UBE2N: variants seen among roughly 807,000 people sequenced by gnomAD.
UBE2N encodes the protein ubiquitin conjugating enzyme E2 N, also known as ubiquitin-conjugating enzyme E2 N.
For synonymous variants in UBE2N, 70 were observed against 69.2 expected (o/e 1.01, Z -0.06); for missense variants, 60 against 192.1 (o/e 0.31, Z 4.07).
At chr12:93,410,611 C>G in intron 3 of UBE2N, 123 bp downstream of exon 3, 1 of 1,403,748 alleles carries the variant, frequency 7.1e-7, no homozygotes, top group Non-Finnish European at 9.7e-7. Context: ...ATACTATAAG[C>G]AGGATCTCAC....
intron 1 of UBE2N, among the ~76,000 whole-genome samples, chr12:93,434,184 C>T (rs1194013814): frequency 2.0e-5 from 3 of 152,126 alleles, no homozygotes; most frequent in Non-Finnish European, 4.4e-5. Context: ...TCCAGCTACT[C>T]GGGAGGCTGA....
chr12:93,437,750 C>T (rs1465037546), intron 1 of UBE2N, among the ~76,000 whole-genome samples: 3 of 152,196 alleles, frequency 2.0e-5, no homozygotes, highest in Admixed American at 2.0e-4. Flanking sequence ...AATTGCACCA[C>T]TGCACTCCAG....
At chr12:93,435,315 A>C (rs1878902738) in intron 1 of UBE2N, among the ~76,000 whole-genome samples, 5 of 152,134 alleles carry the variant, frequency 3.3e-5, no homozygotes, top group Admixed American at 3.3e-4. Flanking sequence ...TCTACTAAAA[A>C]TACAAAAATC....
chr12:93,411,659 A>G (rs1878034328), intron 1 of UBE2N, among the ~76,000 whole-genome samples: 1 of 152,198 alleles, frequency 6.6e-6, no homozygotes, highest in Admixed American at 6.5e-5. Flanking sequence ...AGCTATTTAA[A>G]AAGTAAAATT....
chr12:93,430,480 G>A (rs2121089360), intron 1 of UBE2N, among the ~76,000 whole-genome samples: 1 of 152,236 alleles, frequency 6.6e-6, no homozygotes, highest in Non-Finnish European at 1.5e-5. Flanking sequence ...GACTGGCTGG[G>A]TGGGGAGGGG....
At chr12:93,441,162 C>CA (rs924714553) in intron 1 of UBE2N, 1 of 152,322 alleles carries the variant, frequency 6.6e-6, no homozygotes, top group African/African-American at 2.4e-5. Context: ...AATCACTTCG[C>CA]AGAGATAAAC....
intron 1 of UBE2N, among the ~76,000 whole-genome samples, chr12:93,412,173 C>A (rs1197596460): frequency 6.6e-6 from 1 of 152,056 alleles, no homozygotes; most frequent in Non-Finnish European, 1.5e-5. Flanking sequence ...ACAATCATAC[C>A]ATTAGTTCTC....
chr12:93,411,040 A>G lies in UBE2N; in HGVS notation c.277+13T>C. The stretch of plus-strand genomic sequence containing the variant: ...GCTTAATAATAGCATATGCTGATAA[A>G]GATAACACTTACCTTTCAAAATATC... On this transcript the variant is annotated intron_variant, in intron 2 of 3. Transcript: ENST00000318066. 6.2e-7 allele frequency: 1 copy of G among 1,614,136 alleles called. No homozygotes were observed. The highest frequency in any genetic ancestry group is 8.5e-7 in the Non-Finnish European group (1 of 1,179,952).
Position 93,435,573 on chromosome 12 carries a change from C to A in UBE2N, c.30+6282G>T, listed in dbSNP as rs565808297. On this transcript the variant is annotated intron_variant, in intron 1 of 3. Transcript: ENST00000318066. The stretch of plus-strand genomic sequence containing the variant: ...CCTGGGAGGCAGAGGTTGTAGTAAG[C>A]CGAGATTGTGCCATTGCACTCCAGG... 4.6e-5 allele frequency among the ~76,000 whole-genome samples: 7 copies of A among 152,290 alleles called. No homozygotes were observed. The East Asian group carries it at 9.6e-4, about 21-fold the overall frequency.
intron 1 of UBE2N, among the ~76,000 whole-genome samples, chr12:93,439,393 C>CAGAT (rs1879034305): frequency 6.6e-6 from 1 of 152,160 alleles, no homozygotes; most frequent in Non-Finnish European, 1.5e-5. Flanking sequence ...GTGGGAGGAT[C>CAGAT]ATCTAAGACC....
chr12:93,424,614 G>C (rs188570991), intron 1 of UBE2N, among the ~76,000 whole-genome samples: 62 of 152,306 alleles, frequency 4.1e-4, no homozygotes, highest in African/African-American at 1.4e-3. Context: ...TCCTCTCTCA[G>C]GGCTAACCAT....
intron 1 of UBE2N, among the ~76,000 whole-genome samples, chr12:93,430,152 T>C (rs1380605104): frequency 6.6e-6 from 1 of 152,240 alleles, no homozygotes; most frequent in Non-Finnish European, 1.5e-5. Context: ...AGATTTTTAC[T>C]GTACCTTTCC....
chr12:93,411,727 T>A (rs557559750), intron 1 of UBE2N, among the ~76,000 whole-genome samples: 5 of 152,096 alleles, frequency 3.3e-5, no homozygotes, highest in Non-Finnish European at 7.3e-5. Flanking sequence ...AGATCTCACT[T>A]TGTCACTCAC....
At chr12:93,415,349 C>T (rs1878173161) in intron 1 of UBE2N, among the ~76,000 whole-genome samples, 1 of 152,176 alleles carries the variant, frequency 6.6e-6, no homozygotes, top group Admixed American at 6.5e-5. Context: ...AAATCAAATG[C>T]TTCCCCAAAA....
chr12:93,411,366 A>G, intron 1 of UBE2N, 67 bp from the exon 2 acceptor site: 5 of 1,533,386 alleles, frequency 3.3e-6, no homozygotes, highest in Non-Finnish European at 4.4e-6. Context: ...AAGTAAAATT[A>G]GAAAGTTCAT....
chr12:93,430,748 A>G (rs1318499345), intron 1 of UBE2N, among the ~76,000 whole-genome samples: 1 of 149,246 alleles, frequency 6.7e-6, no homozygotes, highest in Non-Finnish European at 1.5e-5. Flanking sequence ...CCCTGTCTCT[A>G]TGTAATATAT....
rs116450184 is a variant in UBE2N, at chr12:93,410,182, T to C, written c.419-103A>G. On this transcript the variant is annotated intron_variant, in intron 3 of 3. Coordinates refer to ENST00000318066, the MANE Select transcript of UBE2N (RefSeq NM_003348.4). ...ACCACTATTAATTATGGAAATGTCA[T>C]GCTGTAATCTGTTAAATTCACGCCT... 6,685 of 1,145,200 alleles carry C rather than the reference T, an allele frequency of 5.8e-3. 163 individuals carry two copies. In the African/African-American group the frequency reaches 0.064, roughly 11 times the overall value. The allele number at this position is 1,145,200 out of a possible 1,614,324, so 70.9% of individuals were successfully genotyped here.
chr12:93,421,206 T>TTG (rs1878396805), intron 1 of UBE2N, among the ~76,000 whole-genome samples: 1 of 93,534 alleles, frequency 1.1e-5, no homozygotes, highest in African/African-American at 4.3e-5. Flanking sequence ...TCTTTTTTTT[T>TTG]TGGGGGGGCT....
At chr12:93,430,171 T>A (rs10437876) in intron 1 of UBE2N, among the ~76,000 whole-genome samples, 1,763 of 152,322 alleles carry the variant, frequency 0.012, 37 homozygotes, top group African/African-American at 0.04. Flanking sequence ...CCTATTTTGA[T>A]ACACACATAC....
Sources: gnomAD v4.1 joint callset for allele counts (sites outside exome capture counted in the v4.1 genomes callset) on GRCh38, gnomAD v4.1.1 for gene constraint, MANE v1.5 for transcripts, NCBI Gene and HGNC (gene_info 2026-07-23, HGNC 2026-07-21) for gene names.